Variants in TBX19 observed in about 807,000 individuals in gnomAD.
The protein encoded by TBX19 is T-box transcription factor TBX19.
A neutral mutation model predicts 40.9 loss-of-function variants in TBX19; 33 were observed. The observed-to-expected ratio is 0.81, with a 90% CI of 0.61 to 1.08. The LOEUF is 1.08. Ranked by LOEUF, TBX19 falls within the 50% of genes least tolerant of loss-of-function variation. The probability of loss-of-function intolerance (pLI) is 0.00; values close to 1 mark genes in which losing one functional copy is unlikely to be tolerated. For synonymous variants in TBX19, 220 were observed against 225.0 expected (o/e 0.98, Z 0.20); for missense variants, 494 against 574.0 (o/e 0.86, Z 1.42).
intron 6 of TBX19, chr1:168,308,430 A>G (rs960200160): frequency 2.6e-6 from 1 of 380,942 alleles, no homozygotes; most frequent in Non-Finnish European, 5.0e-6. Context: ...AAAGAGAGTG[A>G]CTGTGGTGAA....
At chr1:168,284,207 A>G (rs2102350112) in intron 1 of TBX19, among the ~76,000 whole-genome samples, 1 of 152,014 alleles carries the variant, frequency 6.6e-6, no homozygotes, top group East Asian at 1.9e-4. Context: ...ACTTTCAGTT[A>G]TTCATAGTTA....
intron 5 of TBX19, among the ~76,000 whole-genome samples, chr1:168,301,329 C>A (rs1037448087): frequency 6.6e-6 from 1 of 151,956 alleles, no homozygotes; most frequent in African/African-American, 2.4e-5. Flanking sequence ...ATGGCCCAGT[C>A]TTGGCTCACT....
intron 4 of TBX19, among the ~76,000 whole-genome samples, chr1:168,298,366 TA>T (rs990812497): frequency 3.9e-5 from 6 of 152,134 alleles, no homozygotes; most frequent in African/African-American, 9.7e-5. Context: ...ACAATCACAT[TA>T]AAAAAATTAA....
chr1:168,312,971 G>C lies in TBX19; in HGVS notation c.1316G>C (p.Gly439Ala). The C allele has an allele frequency of 6.2e-7, 1 of 1,614,202 alleles. No individual in the cohort carries two copies. Among genetic ancestry groups the C allele is most frequent in the Non-Finnish European group, 8.5e-7 (1 of 1,180,040 alleles). ...FAGWGGPGAG[G>A]HHSPSSLDG is the part of the protein sequence containing the mutation. Reference sequence around the variant, plus strand: ...GGCTGGGGTGGCCCAGGAGCGGGTGGGCACCATTCTCCTTCCTCACTGGAT... The same window carrying C: ...GGCTGGGGTGGCCCAGGAGCGGGTGCGCACCATTCTCCTTCCTCACTGGAT... The change falls in exon 8 of 8, where the codon GGG becomes GCG. Residue 439 changes from glycine to alanine, a missense_variant. Gly to Ala is a moderately conservative substitution (Grantham distance 60). Coordinates refer to ENST00000367821, the MANE Select transcript of TBX19 (RefSeq NM_005149.3).
At chr1:168,298,596 TTTTC>T (rs1277310696) in intron 4 of TBX19, among the ~76,000 whole-genome samples, 5 of 152,096 alleles carry the variant, frequency 3.3e-5, no homozygotes, top group African/African-American at 1.2e-4. Context: ...TCTCTATATC[TTTTC>T]TTTCTTCCTT....
rs1054628713 is a variant in TBX19, at chr1:168,313,418, T to A, written c.*416T>A. The A allele has an allele frequency of 2.2e-5, 6 of 278,528 alleles. No individual in the cohort carries two copies. Among genetic ancestry groups the A allele is most frequent in the South Asian group, 4.2e-5 (1 of 23,542 alleles). The allele number at this position is 278,528 out of a possible 1,614,324, so 17.3% of individuals were successfully genotyped here. A position where few individuals can be genotyped will look rare whatever the true frequency, so the allele number is the denominator to read the frequency against. On this transcript the variant is annotated 3_prime_UTR_variant, in exon 8 of 8. Transcript: ENST00000367821. ...CCTGCTTTGTGAAGCCTGGAAAGTATGTGTGGCCACAGGGCTCAGGTTCAC... is the reference window on the plus strand; with the variant it reads ...CCTGCTTTGTGAAGCCTGGAAAGTAAGTGTGGCCACAGGGCTCAGGTTCAC...
intron 1 of TBX19, among the ~76,000 whole-genome samples, chr1:168,285,892 T>C (rs563598855): frequency 8.5e-5 from 13 of 152,318 alleles, no homozygotes; most frequent in Admixed American, 3.9e-4. Flanking sequence ...ATCCCTGTCA[T>C]TGTGAGACAA....
At position 168,298,850 on chromosome 1, in the gene TBX19, T is replaced by C. The variant is rs1179067868; in HGVS notation, c.665+1065T>C. 2.9e-4 allele frequency among the ~76,000 whole-genome samples: 28 copies of C among 95,508 alleles called. 2 individuals are homozygous for C. Among genetic ancestry groups the C allele is most frequent in the East Asian group, 4.2e-4 (1 of 2,354 alleles). 62.7% of individuals were successfully genotyped at this position (95,508 alleles called of 152,430 possible). ...TTCTTTCTTTCTTTCTTTCTTTCTT[T>C]CTTTCTTTCTTTCTTTCTTTCTTTC... On this transcript the variant is annotated intron_variant, in intron 4 of 7. Coordinates refer to ENST00000367821, the MANE Select transcript of TBX19 (RefSeq NM_005149.3).
chr1:168,292,001 C>G (rs1648955198), intron 2 of TBX19, among the ~76,000 whole-genome samples: 1 of 152,028 alleles, frequency 6.6e-6, no homozygotes, highest in African/African-American at 2.4e-5. Flanking sequence ...CTCTTGTTTT[C>G]TGTGTTAGGA....
At chr1:168,304,858 G>A (rs1057296665) in intron 5 of TBX19, 150 bp from the exon 6 acceptor site, 2 of 809,086 alleles carry the variant, frequency 2.5e-6, no homozygotes, top group Admixed American at 2.0e-5. Flanking sequence ...GCAGCTAGGG[G>A]ATGGTACCAC....
chr1:168,302,346 A>G (rs538088743), intron 5 of TBX19, among the ~76,000 whole-genome samples: 3 of 152,350 alleles, frequency 2.0e-5, no homozygotes, highest in Admixed American at 6.5e-5. Flanking sequence ...GTACTTAAAA[A>G]GTATTAAGCG....
At position 168,293,284 on chromosome 1, in the gene TBX19, A is replaced by AGAGTGT. The variant is rs1648994401; in HGVS notation, c.603+7_603+8insAGTGTG. The AGAGTGT allele has an allele frequency of 3.0e-6, 4 of 1,321,864 alleles. No individual in the cohort carries two copies. Among genetic ancestry groups the AGAGTGT allele is most frequent in the Admixed American group, 4.2e-5 (2 of 47,738 alleles). 81.9% of individuals were successfully genotyped at this position (1,321,864 alleles called of 1,614,324 possible). The stretch of plus-strand genomic sequence containing the variant: ...CTGCCTATCAGAATGAGGAGGTAAG[A>AGAGTGT]GTGTGTGTGTGTGTGTGTGTGTGTG... On this transcript the variant is annotated splice_region_variant and intron_variant, in intron 3 of 7. Transcript: ENST00000367821.
In TBX19 at chr1:168,293,177, C is replaced by G; in HGVS notation, c.502C>G (p.Gln168Glu). The change falls in exon 3 of 8, where the codon CAG becomes GAG. Residue 168 changes from glutamine to glutamate, a missense_variant. Gln to Glu is a conservative substitution (Grantham distance 29). Transcript: ENST00000367821. The stretch of plus-strand genomic sequence containing the variant: ...GAATTCTCTGCATAAATATGAACCC[C>G]AGGTTCACATAGTGCGTGTTGGAAG... ...MLNSLHKYEPQVHIVRVGSAH... is the reference protein window; with the variant it reads ...MLNSLHKYEPEVHIVRVGSAH... 6.2e-7 allele frequency: 1 copy of G among 1,613,966 alleles called. No homozygotes were observed. Among genetic ancestry groups the G allele is most frequent in the Non-Finnish European group, 8.5e-7 (1 of 1,179,938 alleles).
Position 168,291,257 on chromosome 1 carries a change from T to TGGAAGTACGTCAACGGGGAATGG in TBX19, c.303_325dup (p.Val109GlyfsTer36), listed in dbSNP as rs1188607499. 1 of 1,614,232 alleles carries TGGAAGTACGTCAACGGGGAATGG rather than the reference T, an allele frequency of 6.2e-7. No individual in the cohort carries two copies. ...CTTTGTCCCTACGGACAGTCACCGCTGGAAGTACGTCAACGGGGAATGGGT... is the reference window on the plus strand; with the variant it reads ...CTTTGTCCCTACGGACAGTCACCGCTGGAAGTACGTCAACGGGGAATGGGGAAGTACGTCAACGGGGAATGGGT... On this transcript the variant is annotated frameshift_variant, in exon 2 of 8. Coordinates refer to ENST00000367821, the MANE Select transcript of TBX19 (RefSeq NM_005149.3). LOFTEE classifies it high-confidence loss of function.
chr1:168,286,212 G>A (rs1255267264), intron 1 of TBX19, among the ~76,000 whole-genome samples: 1 of 152,214 alleles, frequency 6.6e-6, no homozygotes, highest in Non-Finnish European at 1.5e-5. Flanking sequence ...ACAAGACACT[G>A]TGACTTCTTT....
rs1303551993 is a variant in TBX19 at position 168,298,938 on chromosome 1, C to CT, written c.665+1165dup. Among the ~76,000 whole-genome samples, 186 of 117,764 alleles carry CT rather than the reference C, an allele frequency of 1.6e-3. 3 individuals carry two copies. Among genetic ancestry groups the CT allele is most frequent in the African/African-American group, 4.2e-3 (137 of 32,440 alleles). 77.3% of individuals were successfully genotyped at this position (117,764 alleles called of 152,430 possible). A position where few individuals can be genotyped will look rare whatever the true frequency, so the allele number is the denominator to read the frequency against. On this transcript the variant is annotated intron_variant, in intron 4 of 7. Coordinates refer to ENST00000367821, the MANE Select transcript of TBX19 (RefSeq NM_005149.3). Reference sequence around the variant, plus strand: ...TTCTTTCATTCTTCCTTCCTTCTTTCTTTTTTTTTTTTGAGACAGAGTCAG... The same window carrying CT: ...TTCTTTCATTCTTCCTTCCTTCTTTCTTTTTTTTTTTTTGAGACAGAGTCAG...
intron 1 of TBX19, among the ~76,000 whole-genome samples, chr1:168,288,767 C>CT (rs11306029): frequency 1.0e-4 from 15 of 149,312 alleles, no homozygotes; most frequent in South Asian, 2.1e-4. Flanking sequence ...AGTTTTGGTA[C>CT]TTTTTTTTTT....
At chr1:168,306,742 A>T (rs1649413899) in intron 6 of TBX19, among the ~76,000 whole-genome samples, 1 of 151,750 alleles carries the variant, frequency 6.6e-6, no homozygotes, top group South Asian at 2.1e-4. Context: ...GGAACTTGTT[A>T]GAAATGTAGA....
At position 168,305,194 on chromosome 1, in the gene TBX19, C is replaced by T; in HGVS notation, c.914C>T (p.Ser305Leu). The change falls in exon 6 of 8, where the codon TCA becomes TTA. Residue 305 changes from serine (S) to leucine (L), a missense_variant and splice_region_variant. Transcript: ENST00000367821. ...SAYMHRNHSP[S>L]VNLIESSSNN... ...TACATGCACAGAAACCATTCTCCCTCAGGTCTGTGACTCTGCTGATTAAAC... is the reference window on the plus strand; with the variant it reads ...TACATGCACAGAAACCATTCTCCCTTAGGTCTGTGACTCTGCTGATTAAAC... 6.2e-7 allele frequency: 1 copy of T among 1,610,552 alleles called. No homozygotes were observed.
Sources: allele counts gnomAD v4.1 joint callset (sites outside exome capture counted in the v4.1 genomes callset), GRCh38; gene constraint gnomAD v4.1.1; transcripts MANE v1.5; gene names NCBI Gene and HGNC (gene_info 2026-07-23, HGNC 2026-07-21).